Variants in UTRN observed in about 807,000 individuals in gnomAD.
UTRN encodes the protein utrophin.
In UTRN, 283 loss-of-function variants were observed where a neutral mutation model predicts 463.9. The ratio of observed to expected loss-of-function variants is 0.61; its 90% CI spans 0.55 to 0.67. The LOEUF is 0.67. UTRN is among the 30% of genes least tolerant of loss of function. The pLI is 0.00. For missense variants in UTRN, 3,922 were observed against 4,084.3 expected, an observed-to-expected ratio of 0.96 and a Z score of 1.08; for synonymous variants, 1,442 against 1,431.5, an observed-to-expected ratio of 1.01 and a Z score of -0.17.
At chr6:144,307,413 C>T (rs574463306) in intron 2 of UTRN, among the ~76,000 whole-genome samples, 2 of 152,246 alleles carry the variant, frequency 1.3e-5, no homozygotes, top group South Asian at 4.2e-4. Context: ...GAAAAAGGGT[C>T]CACAGTTTTC....
intron 25 of UTRN, among the ~76,000 whole-genome samples, chr6:144,477,599 G>C (rs1791367968): frequency 6.6e-6 from 1 of 151,224 alleles, no homozygotes; most frequent in Non-Finnish European, 1.5e-5. Context: ...TGAACAGTAA[G>C]TTGAAAACAT....
intron 51 of UTRN, among the ~76,000 whole-genome samples, chr6:144,638,032 A>G (rs1175618159): frequency 6.6e-6 from 1 of 152,258 alleles, no homozygotes; most frequent in Non-Finnish European, 1.5e-5. Flanking sequence ...CTGTATTTGT[A>G]TAGCTTCAGT....
chr6:144,799,272 A>C, intron 64 of UTRN: 1 of 340,442 alleles, frequency 2.9e-6, no homozygotes, highest in Non-Finnish European at 6.0e-6. Context: ...AAAATTCAAA[A>C]GTTCTCTTCT....
chr6:144,622,564 T>C (rs1775540294), intron 51 of UTRN, among the ~76,000 whole-genome samples: 1 of 152,162 alleles, frequency 6.6e-6, no homozygotes, highest in Non-Finnish European at 1.5e-5. Flanking sequence ...AGTTATATAT[T>C]TGTGGGATCA....
intron 54 of UTRN, among the ~76,000 whole-genome samples, chr6:144,731,987 A>G (rs1001542322): frequency 3.3e-5 from 5 of 151,570 alleles, no homozygotes; most frequent in Admixed American, 6.6e-5. Flanking sequence ...TCAGCTTCCC[A>G]TATAGCTGGG....
Position 144,444,304 on chromosome 6 carries a change from A to C in UTRN, c.1536A>C (p.Ala512=). The C allele has an allele frequency of 6.2e-7, 1 of 1,611,770 alleles. No homozygotes were observed. The highest frequency in any genetic ancestry group is 8.5e-7 in the Non-Finnish European group (1 of 1,178,648). The change falls in exon 14 of 75, where the codon GCA becomes GCC. Residue 512 remains alanine (A), a synonymous_variant. Coordinates refer to ENST00000367545, the MANE Select transcript of UTRN (RefSeq NM_007124.3). ...QLQKLGERWT[A]VCRWTEERWN... ...AGAAACTTGGTGAGCGCTGGACAGC[A>C]GTATGCCGTTGGACTGAAGAACGCT...
At chr6:144,640,173 G>C (rs1290483466) in intron 51 of UTRN, among the ~76,000 whole-genome samples, 1 of 152,098 alleles carries the variant, frequency 6.6e-6, no homozygotes, top group Non-Finnish European at 1.5e-5. Context: ...AGGAAGCTAA[G>C]ACATATCGTG....
chr6:144,529,469 T>A (rs1433676078), intron 41 of UTRN, among the ~76,000 whole-genome samples: 4 of 151,692 alleles, frequency 2.6e-5, no homozygotes, highest in Non-Finnish European at 5.9e-5. Flanking sequence ...CTATCCACCA[T>A]TTTTTTTTCT....
chr6:144,461,205 G>T lies in UTRN; in HGVS notation c.2716G>T (p.Gly906Cys). The stretch of plus-strand genomic sequence containing the variant: ...TATTTTTAAATAAACAGAACTGAAG[G>T]GCCAACCTGGACATGCATATCTGGA... The part of the protein sequence containing the change: ...RQQHLENELK[G>C]QPGHAYLETL... The change falls in exon 22 of 75, where the codon GGC becomes TGC. Residue 906 changes from glycine to cysteine, a missense_variant. Gly to Cys is a radical substitution (Grantham distance 159). Transcript: ENST00000367545. 1.3e-6 allele frequency: 2 copies of T among 1,577,830 alleles called. No homozygotes were observed. The highest frequency in any genetic ancestry group is 1.2e-5 in the South Asian group (1 of 83,368).
At chr6:144,758,799 T>C (rs1792303321) in intron 58 of UTRN, among the ~76,000 whole-genome samples, 1 of 152,106 alleles carries the variant, frequency 6.6e-6, no homozygotes, top group South Asian at 2.1e-4. Context: ...CCCTATTTTA[T>C]GTGTCAGACG....
chr6:144,588,494 T>C (rs1325411674), intron 51 of UTRN, among the ~76,000 whole-genome samples: 1 of 152,206 alleles, frequency 6.6e-6, no homozygotes, highest in Non-Finnish European at 1.5e-5. Flanking sequence ...ATCATTATCA[T>C]TGGTGTATGT....
chr6:144,748,419 G>T lies in UTRN; in HGVS notation c.8113G>T (p.Ala2705Ser), dbSNP rs764047249. ...DLQGAMDDLD[A>S]DMKEAESVRN... ...GCAGGGAGCTATGGATGACCTGGAC[G>T]CTGACATGAAGGAGGCAGAGTCCGT... Residue 2705 changes from alanine to serine, a missense_variant, in exon 55 of 75, where the codon GCT (alanine) becomes TCT (serine). Ala to Ser is a moderately conservative substitution (Grantham distance 99). Coordinates refer to ENST00000367545, the MANE Select transcript of UTRN (RefSeq NM_007124.3). The T allele has an allele frequency of 1.9e-6, 3 of 1,613,914 alleles. No homozygotes were observed. The highest frequency in any genetic ancestry group is 2.5e-6 in the Non-Finnish European group (3 of 1,179,932).
intron 60 of UTRN, among the ~76,000 whole-genome samples, chr6:144,780,773 C>T (rs1284211753): frequency 6.6e-6 from 1 of 152,210 alleles, no homozygotes; most frequent in African/African-American, 2.4e-5. Context: ...AAACACCACT[C>T]GTGTGTAAGT....
At chr6:144,786,271 A>G (rs1281251460) in intron 61 of UTRN, among the ~76,000 whole-genome samples, 1 of 151,784 alleles carries the variant, frequency 6.6e-6, no homozygotes, top group East Asian at 1.9e-4. Context: ...GACCCACCTG[A>G]ATGCATCTTA....
At chr6:144,832,486 A>G (rs1477759035) in intron 69 of UTRN, among the ~76,000 whole-genome samples, 1 of 152,194 alleles carries the variant, frequency 6.6e-6, no homozygotes, top group Admixed American at 6.5e-5. Flanking sequence ...TGGTTTCACT[A>G]TGGATAGTCA....
intron 32 of UTRN, among the ~76,000 whole-genome samples, chr6:144,491,590 A>G (rs1434817579): frequency 2.0e-5 from 3 of 152,198 alleles, no homozygotes; most frequent in Non-Finnish European, 1.5e-5. Flanking sequence ...GAACTTTATA[A>G]TTCAATTGAA....
At chr6:144,436,557 A>G (rs1183503391) in intron 10 of UTRN, among the ~76,000 whole-genome samples, 1 of 152,024 alleles carries the variant, frequency 6.6e-6, no homozygotes, top group Non-Finnish European at 1.5e-5. Flanking sequence ...TTCATATCAT[A>G]AAAGTTTCCT....
intron 51 of UTRN, among the ~76,000 whole-genome samples, chr6:144,675,176 C>T (rs2128681161): frequency 6.6e-6 from 1 of 152,250 alleles, no homozygotes; most frequent in East Asian, 1.9e-4. Context: ...CTCCCCCTTC[C>T]CCTAGGGATG....
chr6:144,683,348 C>G (rs1360991213), intron 52 of UTRN, among the ~76,000 whole-genome samples: 1 of 152,166 alleles, frequency 6.6e-6, no homozygotes, highest in Non-Finnish European at 1.5e-5. Context: ...AGATTCGTCA[C>G]TCTACCTTTG....
Sources: allele counts gnomAD v4.1 joint callset (sites outside exome capture counted in the v4.1 genomes callset), GRCh38; gene constraint gnomAD v4.1.1; transcripts MANE v1.5; gene names NCBI Gene and HGNC (gene_info 2026-07-23, HGNC 2026-07-21).